The following ADAM32 variants were observed in gnomAD, a reference collection of about 807,000 sequenced individuals.
ADAM32 encodes the protein ADAM metallopeptidase domain 32.
In ADAM32, 89 loss-of-function variants were observed where a neutral mutation model predicts 114.9. That is an observed-to-expected ratio of 0.77 (90% confidence interval 0.65 to 0.92). The LOEUF is 0.92. ADAM32 is among the 40% of genes least tolerant of loss of function. ADAM32 has a pLI of 0.00. For missense variants in ADAM32, 870 were observed against 932.8 expected, an observed-to-expected ratio of 0.93 and a Z score of 0.88; for synonymous variants, 285 against 307.5, an observed-to-expected ratio of 0.93 and a Z score of 0.77.
At chr8:39,230,376 G>C (rs1484491327) in intron 14 of ADAM32, among the ~76,000 whole-genome samples, 1 of 152,078 alleles carries the variant, frequency 6.6e-6, no homozygotes, top group Non-Finnish European at 1.5e-5. Flanking sequence ...TTAATGAGAG[G>C]GGGTTATTGG....
At chr8:39,263,104 C>T (rs1276301006) in intron 19 of ADAM32, among the ~76,000 whole-genome samples, 1 of 152,064 alleles carries the variant, frequency 6.6e-6, no homozygotes, top group Non-Finnish European at 1.5e-5. Flanking sequence ...GCTGTAGGTT[C>T]CATTTTATTC....
chr8:39,124,567 G>A (rs1802001916), intron 2 of ADAM32, among the ~76,000 whole-genome samples: 1 of 151,932 alleles, frequency 6.6e-6, no homozygotes, highest in Non-Finnish European at 1.5e-5. Context: ...ACAGGCACCT[G>A]CCATCATGCC....
intron 19 of ADAM32, among the ~76,000 whole-genome samples, chr8:39,260,756 G>A (rs1254653423): frequency 6.6e-6 from 1 of 151,926 alleles, no homozygotes; most frequent in East Asian, 1.9e-4. Flanking sequence ...AGTAATTCTG[G>A]CCTTATAAAA....
At chr8:39,137,770 C>CAAA (rs34189859) in intron 3 of ADAM32, among the ~76,000 whole-genome samples, 246 of 136,726 alleles carry the variant, frequency 1.8e-3, no homozygotes, top group African/African-American at 5.8e-3. Flanking sequence ...GACACTGTCT[C>CAAA]AAAAAAAAAA....
At chr8:39,162,707 T>TA (rs145472134) in intron 7 of ADAM32, among the ~76,000 whole-genome samples, 26 of 151,598 alleles carry the variant, frequency 1.7e-4, no homozygotes, top group African/African-American at 3.1e-4. Context: ...TATTCTTTAG[T>TA]AAAAAAAAAC....
intron 11 of ADAM32, among the ~76,000 whole-genome samples, chr8:39,188,272 T>TAC (rs2129447264): frequency 6.6e-6 from 1 of 152,188 alleles, no homozygotes; most frequent in Non-Finnish European, 1.5e-5. Flanking sequence ...TATGTACATA[T>TAC]ACACACACAA....
intron 10 of ADAM32, among the ~76,000 whole-genome samples, chr8:39,176,875 T>A (rs887609146): frequency 6.6e-6 from 1 of 152,202 alleles, no homozygotes; most frequent in African/African-American, 2.4e-5. Context: ...TACTCCTGTA[T>A]CGGGTGCTTA....
chr8:39,257,441 A>C (rs1397826941), intron 19 of ADAM32, 98 bp downstream of exon 19: 4 of 1,372,026 alleles, frequency 2.9e-6, no homozygotes, highest in Non-Finnish European at 3.9e-6. Flanking sequence ...TTTACATATC[A>C]CTGGGATTTT....
intron 11 of ADAM32, among the ~76,000 whole-genome samples, chr8:39,207,058 C>G (rs1239623350): frequency 6.6e-6 from 1 of 152,022 alleles, no homozygotes; most frequent in Non-Finnish European, 1.5e-5. Flanking sequence ...CTGTAGCTGT[C>G]CACAATAGGA....
chr8:39,209,852 A>G (rs998372272), intron 11 of ADAM32, among the ~76,000 whole-genome samples: 3 of 152,030 alleles, frequency 2.0e-5, no homozygotes, highest in African/African-American at 4.8e-5. Context: ...TGCTCTCTAT[A>G]CTGCACTGTC....
At chr8:39,243,301 T>G (rs1810686203) in intron 16 of ADAM32, among the ~76,000 whole-genome samples, 1 of 152,124 alleles carries the variant, frequency 6.6e-6, no homozygotes, top group Non-Finnish European at 1.5e-5. Context: ...AATATCACCC[T>G]AATATCAAAA....
chr8:39,157,989 T>C, intron 6 of ADAM32: 1 of 317,014 alleles, frequency 3.2e-6, no homozygotes, highest in Non-Finnish European at 6.2e-6. Flanking sequence ...TCCACAGCCC[T>C]CAGTGGGTCT....
rs141768639 is a variant in ADAM32 at position 39,256,358 on chromosome 8, T to A, written c.2006-829T>A. Among the ~76,000 whole-genome samples, 1,293 of 152,158 alleles carry A rather than the reference T, an allele frequency of 8.5e-3. 15 individuals are homozygous for A. Among genetic ancestry groups the A allele is most frequent in the African/African-American group, 0.029 (1,224 of 41,568 alleles). On this transcript the variant is annotated intron_variant, in intron 18 of 24. Coordinates refer to ENST00000379907, the MANE Select transcript of ADAM32 (RefSeq NM_145004.7). ...TTTTCTCTGTGTCTAGTACTGTTAC[T>A]GTGTTTCTGTTACAGAAGAAATGAA... is the stretch of plus-strand genomic sequence containing the variant.
At chr8:39,202,920 G>A (rs1486088665) in intron 11 of ADAM32, among the ~76,000 whole-genome samples, 2 of 101,276 alleles carry the variant, frequency 2.0e-5, no homozygotes, top group African/African-American at 3.7e-5. Context: ...AGGTTGTTCA[G>A]TTTCCATGTA....
chr8:39,218,415 G>A (rs929047186), intron 12 of ADAM32, among the ~76,000 whole-genome samples: 1 of 152,120 alleles, frequency 6.6e-6, no homozygotes, highest in African/African-American at 2.4e-5. Context: ...CGATCAGCAG[G>A]TGGCAAAGCC....
intron 2 of ADAM32, among the ~76,000 whole-genome samples, chr8:39,125,039 T>C (rs1802028409): frequency 6.6e-6 from 1 of 152,198 alleles, no homozygotes; most frequent in African/African-American, 2.4e-5. Flanking sequence ...TAATCACCAT[T>C]CTAACTAGTG....
At chr8:39,188,365 C>G (rs948534029) in intron 11 of ADAM32, among the ~76,000 whole-genome samples, 6 of 63,422 alleles carry the variant, frequency 9.5e-5, no homozygotes, top group African/African-American at 3.0e-4. Flanking sequence ...TGGAATCTGT[C>G]TATCTATCTG....
chr8:39,126,589 G>A (rs1299782831), intron 2 of ADAM32, among the ~76,000 whole-genome samples: 1 of 152,084 alleles, frequency 6.6e-6, no homozygotes, highest in Non-Finnish European at 1.5e-5. Context: ...GAGAGGATGG[G>A]GTTTTCTAGA....
At chr8:39,134,022 C>G (rs1005444960) in intron 2 of ADAM32, among the ~76,000 whole-genome samples, 5 of 152,110 alleles carry the variant, frequency 3.3e-5, no homozygotes, top group African/African-American at 4.8e-5. Flanking sequence ...TCCCAATGTG[C>G]TACATCGCCC....
Sources: gnomAD v4.1 joint callset for allele counts (sites outside exome capture counted in the v4.1 genomes callset) on GRCh38, gnomAD v4.1.1 for gene constraint, MANE v1.5 for transcripts, NCBI Gene and HGNC (gene_info 2026-07-23, HGNC 2026-07-21) for gene names.